Variants in RPS15A observed in about 807,000 individuals in gnomAD.
The protein encoded by RPS15A is ribosomal protein S15a, also known as small ribosomal subunit protein uS8.
For missense variants in RPS15A, 62 were observed against 163.4 expected, an observed-to-expected ratio of 0.38 and a Z score of 3.38; for synonymous variants, 55 against 58.5, an observed-to-expected ratio of 0.94 and a Z score of 0.27.
chr16:18,789,212 G>C (rs1395949780), intron 1 of RPS15A, 94 bp from the exon 2 acceptor site: 1 of 1,307,302 alleles, frequency 7.6e-7, no homozygotes, highest in African/African-American at 1.5e-5. Context: ...TTCCTTTCTG[G>C]CCCCACCTTG....
intron 2 of RPS15A, chr16:18,788,750 CTTAGA>C (rs1452465330): frequency 8.4e-6 from 4 of 477,076 alleles, no homozygotes; most frequent in African/African-American, 8.0e-5. Flanking sequence ...CTTTCAATGA[CTTAGA>C]TTCATTTAGC....
At chr16:18,789,391 C>G (rs981141777) in intron 1 of RPS15A, among the ~76,000 whole-genome samples, 1 of 152,176 alleles carries the variant, frequency 6.6e-6, no homozygotes, top group Non-Finnish European at 1.5e-5. Flanking sequence ...ACACCAACGT[C>G]TGGAGATAAT....
At chr16:18,787,734 A>G (rs2029913879) in intron 3 of RPS15A, among the ~76,000 whole-genome samples, 1 of 152,192 alleles carries the variant, frequency 6.6e-6, no homozygotes, top group Non-Finnish European at 1.5e-5. Flanking sequence ...CCTTGGACAA[A>G]AGGCTCAATG....
rs778693687 is a variant in RPS15A at position 18,788,093 on chromosome 16, A to T, written c.183T>A (p.Ile61=). 3.6e-5 allele frequency: 58 copies of T among 1,612,524 alleles called. 1 individual carries two copies. In the Admixed American group the frequency reaches 3.8e-4, roughly 11 times the overall value. ...EIIDDHRAGK[I]VVNLTGRLNK... Reference sequence around the variant, plus strand: ...TTAGCCTGCCTGTGAGGTTCACAACAATTTTCCCAGCTCTGTGGTCATCAA... The same window carrying T: ...TTAGCCTGCCTGTGAGGTTCACAACTATTTTCCCAGCTCTGTGGTCATCAA... Residue 61 remains isoleucine, a synonymous_variant, in exon 3 of 5, where the codon ATT becomes ATA. Transcript: ENST00000322989.
At chr16:18,784,871 C>G (rs777615709) in intron 3 of RPS15A, 48 bp from the exon 4 acceptor site, 1 of 1,438,916 alleles carries the variant, frequency 6.9e-7, no homozygotes. Context: ...TTACCAATAA[C>G]AGAAAAACTG....
intron 2 of RPS15A, 141 bp downstream of exon 2, chr16:18,788,840 C>T (rs2029954507): frequency 1.2e-6 from 1 of 836,386 alleles, no homozygotes; most frequent in Non-Finnish European, 1.9e-6. Context: ...CAGACTATCC[C>T]CTCCTCCACA....
Position 18,781,969 on chromosome 16 carries a change from AAT to A in RPS15A, c.*1038_*1039del, listed in dbSNP as rs1285518729. 7.4e-6 allele frequency: 1 copy of A among 135,328 alleles called. No homozygotes were observed. Among genetic ancestry groups the A allele is most frequent in the African/African-American group, 2.7e-5 (1 of 36,408 alleles). 8.4% of individuals were successfully genotyped at this position (135,328 alleles called of 1,614,324 possible). A position where few individuals can be genotyped will look rare whatever the true frequency, so the allele number is the denominator to read the frequency against. On this transcript the variant is annotated 3_prime_UTR_variant, in exon 5 of 5. Transcript: ENST00000322989. ...TGATCAACAGTGCCCATTGCACTTC[AAT>A]GGGCACCTGCAAGTGGCACCAGATT...
rs1903964001 is a variant in RPS15A at position 18,781,370 on chromosome 16, G to A, written c.*1639C>T. ...GACGATTCACTCAATCAACATGTAA[G>A]CGACTGAGGCATCCCTACACACCAG... On this transcript the variant is annotated 3_prime_UTR_variant, in exon 5 of 5. Coordinates refer to ENST00000322989, the MANE Select transcript of RPS15A (RefSeq NM_001019.5). The A allele has an allele frequency of 6.6e-6, 1 of 151,496 alleles. No individual in the cohort carries two copies. The allele number at this position is 151,496 out of a possible 1,614,324, so 9.4% of individuals were successfully genotyped here.
chr16:18,784,730 C>G lies in RPS15A; in HGVS notation c.299+8G>C, dbSNP rs191533448. 1 of 1,594,492 alleles carries G rather than the reference C, an allele frequency of 6.3e-7. No homozygotes were observed. The highest frequency in any genetic ancestry group is 1.8e-5 in the Admixed American group (1 of 54,550). On this transcript the variant is annotated splice_region_variant and intron_variant, in intron 4 of 4. Coordinates refer to ENST00000322989, the MANE Select transcript of RPS15A (RefSeq NM_001019.5). ...TAACTTCTTTTAATTAAGGAAAGGC[C>G]AACTTACCCAAACTGGCGGGATGGA...
chr16:18,786,393 T>C (rs1448123457), intron 3 of RPS15A: 2 of 156,170 alleles, frequency 1.3e-5, no homozygotes, highest in African/African-American at 4.8e-5. Context: ...AGGGCCTGCA[T>C]ATCAACTGTT....
At chr16:18,787,069 T>G (rs2141860318) in intron 3 of RPS15A, among the ~76,000 whole-genome samples, 1 of 152,356 alleles carries the variant, frequency 6.6e-6, no homozygotes, top group Non-Finnish European at 1.5e-5. Flanking sequence ...TTCACCATGT[T>G]GGCCAGGCTT....
intron 4 of RPS15A, chr16:18,783,735 T>C (rs1291085963): frequency 2.2e-6 from 1 of 455,634 alleles, no homozygotes; most frequent in African/African-American, 2.0e-5. Context: ...AAGATACACA[T>C]TTACTGTGTC....
chr16:18,782,909 C>T lies in RPS15A; in HGVS notation c.*100G>A, dbSNP rs561359874. 21 of 687,994 alleles carry T rather than the reference C, an allele frequency of 3.1e-5. No homozygotes were observed. The highest frequency in any genetic ancestry group is 1.2e-4 in the Admixed American group (5 of 40,590). 42.6% of individuals were successfully genotyped at this position (687,994 alleles called of 1,614,324 possible). A position where few individuals can be genotyped will look rare whatever the true frequency, so the allele number is the denominator to read the frequency against. ...GATAAACGAAGCAACTGCATGCTGC[C>T]GCAGAAGCTGTGGCTACACTGCTGT... On this transcript the variant is annotated 3_prime_UTR_variant, in exon 5 of 5. Transcript: ENST00000322989.
chr16:18,787,462 A>C (rs970576428), intron 3 of RPS15A, among the ~76,000 whole-genome samples: 2 of 152,204 alleles, frequency 1.3e-5, no homozygotes, highest in African/African-American at 4.8e-5. Flanking sequence ...TGAAAGCTAC[A>C]AACCTGACAG....
chr16:18,783,331 CT>C, intron 4 of RPS15A: 1 of 527,038 alleles, frequency 1.9e-6, no homozygotes, highest in South Asian at 2.4e-5. Context: ...ACAGCCCTGA[CT>C]TCTGCCTACA....
chr16:18,787,308 C>T (rs1371214181), intron 3 of RPS15A, among the ~76,000 whole-genome samples: 1 of 152,210 alleles, frequency 6.6e-6, no homozygotes, highest in Admixed American at 6.5e-5. Context: ...GCCAGTAAGG[C>T]CCCTTCCTCA....
At chr16:18,788,802 CCTA>C (rs1302381813) in intron 2 of RPS15A, 176 bp downstream of exon 2, 2 of 621,988 alleles carry the variant, frequency 3.2e-6, no homozygotes, top group Non-Finnish European at 5.6e-6. Context: ...TTCCAGCAGT[CCTA>C]CTCTAAGTGA....
chr16:18,789,236 A>C, intron 1 of RPS15A, 118 bp from the exon 2 acceptor site: 31 of 972,376 alleles, frequency 3.2e-5, no homozygotes, highest in Non-Finnish European at 4.4e-5. Context: ...AAGTTTTCTC[A>C]AGTCTAAGCA....
Position 18,784,013 on chromosome 16 carries a change from T to C in RPS15A, c.299+725A>G, listed in dbSNP as rs577098787. On this transcript the variant is annotated intron_variant, in intron 4 of 4. Transcript: ENST00000322989. ...TGAGCCAAAAGGGCAGACATGAAAG[T>C]GGACACGACCCCCCTTTTCTGCCAG... The C allele has an allele frequency of 4.3e-5, 9 of 210,666 alleles. 1 individual carries two copies. The Admixed American group carries it at 4.7e-4, about 11-fold the overall frequency. 13.0% of individuals were successfully genotyped at this position (210,666 alleles called of 1,614,324 possible). A position where few individuals can be genotyped will look rare whatever the true frequency, so the allele number is the denominator to read the frequency against.
Sources: gnomAD v4.1 joint callset for allele counts (sites outside exome capture counted in the v4.1 genomes callset) on GRCh38, gnomAD v4.1.1 for gene constraint, MANE v1.5 for transcripts, NCBI Gene and HGNC (gene_info 2026-07-23, HGNC 2026-07-21) for gene names.